PHF21A: variants seen among roughly 807,000 people sequenced by gnomAD.
The protein encoded by PHF21A is BHC80a.
Under a neutral mutation model 82.5 loss-of-function variants are expected in PHF21A, and 11 were observed. The observed-to-expected ratio is 0.13, with a 90% CI of 0.08 to 0.22. PHF21A has a LOEUF of 0.22. PHF21A is among the 10% of genes least tolerant of loss of function. The pLI, the probability that PHF21A is intolerant of heterozygous loss-of-function variation, is 1.00. For synonymous variants in PHF21A, 297 were observed against 302.8 expected, an observed-to-expected ratio of 0.98 and a Z score of 0.20; for missense variants, 579 against 837.8, an observed-to-expected ratio of 0.69 and a Z score of 3.81.
At chr11:45,990,351 T>C (rs960677307) in intron 6 of PHF21A, among the ~76,000 whole-genome samples, 2 of 144,814 alleles carry the variant, frequency 1.4e-5, no homozygotes, top group Admixed American at 7.0e-5. Flanking sequence ...CTTGACTTCC[T>C]GGCCTCAAGT....
chr11:46,084,403 G>A (rs936438732), intron 3 of PHF21A, 101 bp from the exon 4 acceptor site: 17 of 453,042 alleles, frequency 3.8e-5, no homozygotes, highest in Non-Finnish European at 5.2e-5. Flanking sequence ...ATTCTCTAAC[G>A]CAGGGCAAGA....
Position 45,933,916 on chromosome 11 carries a change from G to A in PHF21A, c.*52C>T. The A allele has an allele frequency of 1.3e-6, 2 of 1,486,782 alleles. No homozygotes were observed. The highest frequency in any genetic ancestry group is 1.8e-6 in the Non-Finnish European group (2 of 1,112,310). 92.1% of individuals were successfully genotyped at this position (1,486,782 alleles called of 1,614,324 possible). On this transcript the variant is annotated 3_prime_UTR_variant, in exon 19 of 19. Transcript: ENST00000676320. ...GCTTTGCTTTTCTAGAGTCTTCAGTGTTCTGTTCTCCTTGCCGCCGGGATC... is the reference window on the plus strand; with the variant it reads ...GCTTTGCTTTTCTAGAGTCTTCAGTATTCTGTTCTCCTTGCCGCCGGGATC...
At chr11:45,995,595 C>G (rs1271499177) in intron 6 of PHF21A, among the ~76,000 whole-genome samples, 1 of 152,194 alleles carries the variant, frequency 6.6e-6, no homozygotes, top group Non-Finnish European at 1.5e-5. Context: ...CTCCATTAAC[C>G]TTCCACATGA....
At chr11:46,062,386 G>A (rs890638597) in intron 6 of PHF21A, among the ~76,000 whole-genome samples, 2 of 152,026 alleles carry the variant, frequency 1.3e-5, no homozygotes, top group East Asian at 3.9e-4. Flanking sequence ...CTATTCTACT[G>A]TCTATCCCCC....
At position 45,933,950 on chromosome 11, in the gene PHF21A, TCTC is replaced by T. The variant is rs2088076820; in HGVS notation, c.*15_*17del. On this transcript the variant is annotated 3_prime_UTR_variant, in exon 19 of 19. Transcript: ENST00000676320. ...TCCTTGCCGCCGGGATCCCGTGGCT[TCTC>T]CTAGAGGGGCTCTGTTATTTAGTCT... The T allele has an allele frequency of 6.7e-7, 1 of 1,487,898 alleles. No individual in the cohort carries two copies. Among genetic ancestry groups the T allele is most frequent in the African/African-American group, 1.4e-5 (1 of 70,178 alleles). The allele number at this position is 1,487,898 out of a possible 1,614,324, so 92.2% of individuals were successfully genotyped here.
At chr11:46,094,668 A>G (rs2130473) in intron 1 of PHF21A, among the ~76,000 whole-genome samples, 137,300 of 152,224 alleles carry the variant, frequency 0.9, 62,085 homozygotes, top group East Asian at 1. Context: ...GGATCACGAG[A>G]TCAGGAGATC....
intron 14 of PHF21A, chr11:45,946,234 T>G: frequency 7.0e-5 from 61 of 877,224 alleles, no homozygotes; most frequent in Non-Finnish European, 1.0e-4. Flanking sequence ...AAGAGAGCTC[T>G]GGAGAATGAC....
chr11:45,988,927 T>C (rs1260550052), intron 6 of PHF21A, among the ~76,000 whole-genome samples: 5 of 152,194 alleles, frequency 3.3e-5, no homozygotes, highest in African/African-American at 7.2e-5. Context: ...TGCTGAATGC[T>C]ACCCTCTTAG....
chr11:45,999,637 T>A (rs978321582), intron 6 of PHF21A, among the ~76,000 whole-genome samples: 3 of 152,162 alleles, frequency 2.0e-5, no homozygotes, highest in African/African-American at 7.2e-5. Context: ...TTTAATGGAT[T>A]AGTGGGTTAG....
chr11:46,009,226 G>C (rs1008030848), intron 6 of PHF21A, among the ~76,000 whole-genome samples: 1 of 151,862 alleles, frequency 6.6e-6, no homozygotes, highest in African/African-American at 2.4e-5. Flanking sequence ...TGCCCGCCTC[G>C]GTCTCCCAAA....
At chr11:46,005,234 T>C (rs1029420726) in intron 6 of PHF21A, among the ~76,000 whole-genome samples, 1 of 152,204 alleles carries the variant, frequency 6.6e-6, no homozygotes, top group African/African-American at 2.4e-5. Flanking sequence ...ACTTCACACC[T>C]GACCTCAAGT....
At chr11:46,076,890 T>C (rs780071526) in intron 5 of PHF21A, 71 bp from the exon 6 acceptor site, 19 of 1,170,240 alleles carry the variant, frequency 1.6e-5, no homozygotes, top group Non-Finnish European at 2.3e-5. Flanking sequence ...AGGAAGACTA[T>C]GCATACTGCA....
chr11:45,971,437 CAA>C, intron 7 of PHF21A, 70 bp from the exon 8 acceptor site: 1 of 1,332,408 alleles, frequency 7.5e-7, no homozygotes, highest in Non-Finnish European at 1.0e-6. Flanking sequence ...TCCCACTAAA[CAA>C]TATGCTGCTT....
At chr11:46,053,259 A>T (rs1264084823) in intron 6 of PHF21A, among the ~76,000 whole-genome samples, 2 of 152,206 alleles carry the variant, frequency 1.3e-5, no homozygotes, top group African/African-American at 4.8e-5. Context: ...CTGATTTACA[A>T]AATATCAATA....
intron 15 of PHF21A, among the ~76,000 whole-genome samples, chr11:45,945,356 A>C (rs910541194): frequency 5.3e-5 from 8 of 152,180 alleles, no homozygotes; most frequent in Non-Finnish European, 1.2e-4. Context: ...GTTTCTGATC[A>C]ACTCTGCTCT....
chr11:46,007,198 G>T (rs1197021748), intron 6 of PHF21A, among the ~76,000 whole-genome samples: 11 of 152,186 alleles, frequency 7.2e-5, no homozygotes, highest in African/African-American at 2.7e-4. Flanking sequence ...CAAAGTGATA[G>T]TGAGGTTCTA....
chr11:45,995,975 C>T (rs1324499651), intron 6 of PHF21A, among the ~76,000 whole-genome samples: 1 of 152,008 alleles, frequency 6.6e-6, no homozygotes, highest in Non-Finnish European at 1.5e-5. Context: ...CACAGGGTCT[C>T]CACTGTCACC....
intron 6 of PHF21A, among the ~76,000 whole-genome samples, chr11:46,066,568 G>C (rs889999503): frequency 1.3e-5 from 2 of 152,074 alleles, no homozygotes; most frequent in Non-Finnish European, 2.9e-5. Flanking sequence ...GCGTGACAGT[G>C]CATGCCTGTA....
intron 3 of PHF21A, 107 bp from the exon 4 acceptor site, chr11:46,084,409 C>A: frequency 4.6e-6 from 2 of 433,466 alleles, no homozygotes; most frequent in South Asian, 4.4e-5. Context: ...TAACGCAGGG[C>A]AAGAAATTTC....
Sources: gnomAD v4.1 joint callset for allele counts (sites outside exome capture counted in the v4.1 genomes callset) on GRCh38, gnomAD v4.1.1 for gene constraint, MANE v1.5 for transcripts, NCBI Gene and HGNC (gene_info 2026-07-23, HGNC 2026-07-21) for gene names.